The following RUSC2 variants were observed in gnomAD, a reference collection of about 807,000 sequenced individuals.
RUSC2 encodes the protein RUN and SH3 domain containing 2.
Under a neutral mutation model 122.2 loss-of-function variants are expected in RUSC2, and 34 were observed. That is an observed-to-expected ratio of 0.28 (90% CI 0.21 to 0.37). The LOEUF is 0.37. RUSC2 is among the 10% of genes least tolerant of loss of function. The pLI is 1.00. For synonymous variants in RUSC2, 784 were observed against 790.0 expected (o/e 0.99, Z 0.13); for missense variants, 1,747 against 1,952.4 (o/e 0.89, Z 1.98).
At chr9:35,503,152 G>A (rs1406962665) in intron 1 of RUSC2, among the ~76,000 whole-genome samples, 3 of 152,084 alleles carry the variant, frequency 2.0e-5, no homozygotes, top group Non-Finnish European at 4.4e-5. Flanking sequence ...GTGAGCCACC[G>A]CACCCAGCCA....
At chr9:35,540,854 G>T (rs1385558381) in intron 1 of RUSC2, among the ~76,000 whole-genome samples, 2 of 152,162 alleles carry the variant, frequency 1.3e-5, no homozygotes, top group East Asian at 3.8e-4. Context: ...AAATTGGGCA[G>T]ACCTGGGATT....
intron 1 of RUSC2, among the ~76,000 whole-genome samples, chr9:35,508,283 A>C (rs561334037): frequency 6.6e-6 from 1 of 152,302 alleles, no homozygotes; most frequent in African/African-American, 2.4e-5. Flanking sequence ...CTCCTACTTG[A>C]TCACAATTGG....
Position 35,546,738 on chromosome 9 carries a change from A to G in RUSC2, c.217A>G (p.Thr73Ala), listed in dbSNP as rs1535422. Residue 73 changes from threonine to alanine, a missense_variant, in exon 2 of 12, where the codon ACT (threonine) becomes GCT (alanine). Thr to Ala is a moderately conservative substitution (Grantham distance 58). Transcript: ENST00000361226. The surrounding 1 kb of genome is among the most constrained non-coding windows in gnomAD (Gnocchi z 4.3). ...DSLLFSSLHS[T>A]PGGTARSIDS... is the part of the protein sequence containing the mutation. ...CCTGCTATTCAGCAGCCTGCACTCT[A>G]CTCCAGGAGGAACTGCACGGTCTAT... 1,563,313 of 1,574,426 alleles carry G rather than the reference A, an allele frequency of 0.99. 776,738 individuals are homozygous for G. The highest frequency in any genetic ancestry group is 1 in the East Asian group (44,614 of 44,614).
At chr9:35,543,834 A>G (rs1257394458) in intron 1 of RUSC2, among the ~76,000 whole-genome samples, 2 of 152,354 alleles carry the variant, frequency 1.3e-5, no homozygotes, top group South Asian at 4.1e-4. Flanking sequence ...ATGGAATCAT[A>G]CAACATCACA....
At position 35,548,262 on chromosome 9, in the gene RUSC2, C is replaced by G. The variant is rs1399207233; in HGVS notation, c.1741C>G (p.Gln581Glu). 1 of 1,613,940 alleles carries G rather than the reference C, an allele frequency of 6.2e-7. No individual in the cohort carries two copies. Among genetic ancestry groups the G allele is most frequent in the Admixed American group, 1.7e-5 (1 of 60,028 alleles). The change falls in exon 2 of 12, where the codon CAA (glutamine) becomes GAA (glutamate). Residue 581 changes from glutamine to glutamate, a missense_variant. Gln to Glu is a conservative substitution (Grantham distance 29). Transcript: ENST00000361226. This position sits in a 1 kb window ranked among gnomAD's most constrained non-coding sequence, Gnocchi z 4.5. ...GTTCTCACCCATCCAAGAAGCCCAG[C>G]AAGATCGGGGGGCCCCACTGGATGA... is the stretch of plus-strand genomic sequence containing the variant. ...QEFSPIQEAQ[Q>E]DRGAPLDEGT... is the part of the protein sequence containing the mutation.
At chr9:35,524,283 AG>A (rs1252412535) in intron 1 of RUSC2, among the ~76,000 whole-genome samples, 2 of 152,234 alleles carry the variant, frequency 1.3e-5, no homozygotes, top group Non-Finnish European at 2.9e-5. Flanking sequence ...CCTGGGCAAC[AG>A]GGTGTGACTC....
At chr9:35,510,391 A>G (rs1309112078) in intron 1 of RUSC2, among the ~76,000 whole-genome samples, 1 of 152,236 alleles carries the variant, frequency 6.6e-6, no homozygotes, top group Non-Finnish European at 1.5e-5. Flanking sequence ...TTAATTGCCA[A>G]TACAGTGTAA....
intron 1 of RUSC2, among the ~76,000 whole-genome samples, chr9:35,516,936 T>C (rs1219628825): frequency 6.6e-6 from 1 of 152,224 alleles, no homozygotes; most frequent in Non-Finnish European, 1.5e-5. Flanking sequence ...AGGTAAGTAT[T>C]TGAGGCAATG....
chr9:35,556,328 C>T lies in RUSC2; in HGVS notation c.2863C>T (p.Pro955Ser). 1 of 1,614,212 alleles carries T rather than the reference C, an allele frequency of 6.2e-7. No homozygotes were observed. The highest frequency in any genetic ancestry group is 1.3e-5 in the African/African-American group (1 of 75,048). The stretch of plus-strand genomic sequence containing the variant: ...TCCAGGCCAAGCAGTGAAGCCGTTA[C>T]CACTGACCTGCCCTGACTTCCAGGA... The part of the protein sequence containing the change: ...RLNGQAVKPL[P>S]LTCPDFQDPF... The change falls in exon 5 of 12, where the codon CCA becomes TCA. Residue 955 changes from proline (P) to serine (S), a missense_variant. Physicochemically the swap from Pro to Ser is moderately conservative, Grantham distance 74. Transcript: ENST00000361226.
intron 1 of RUSC2, among the ~76,000 whole-genome samples, chr9:35,516,110 T>C (rs1821102112): frequency 6.6e-6 from 1 of 151,902 alleles, no homozygotes; most frequent in African/African-American, 2.4e-5. Flanking sequence ...AGAATTACTC[T>C]TTAGCAATAA....
At position 35,561,112 on chromosome 9, in the gene RUSC2, A is replaced by C. The variant is rs1436557227; in HGVS notation, c.4349+15A>C. 3 of 1,613,662 alleles carry C rather than the reference A, an allele frequency of 1.9e-6. No individual in the cohort carries two copies. The highest frequency in any genetic ancestry group is 2.5e-6 in the Non-Finnish European group (3 of 1,179,800). ...AGTCCTCCGTGGTAAGCCTGGGGAAACGGAAGGGCTGAGGGGGGCGGGGGG... is the reference window on the plus strand; with the variant it reads ...AGTCCTCCGTGGTAAGCCTGGGGAACCGGAAGGGCTGAGGGGGGCGGGGGG... On this transcript the variant is annotated intron_variant, in intron 11 of 11. Transcript: ENST00000361226.
intron 2 of RUSC2, among the ~76,000 whole-genome samples, chr9:35,553,027 T>C (rs1393935181): frequency 9.8e-5 from 15 of 152,292 alleles, no homozygotes; most frequent in Admixed American, 8.5e-4. Context: ...CCTAATCCGA[T>C]AGCCAGAGTC....
rs766709159 is a variant in RUSC2 at position 35,555,376 on chromosome 9, G to A, written c.2331G>A (p.Leu777=). 23 of 1,614,234 alleles carry A rather than the reference G, an allele frequency of 1.4e-5. No individual in the cohort carries two copies. Among genetic ancestry groups the A allele is most frequent in the Non-Finnish European group, 1.9e-5 (22 of 1,180,030 alleles). ...SEPETSRPSP[L]GSYSPIRSVG... ...CAGAGACCTCTCGGCCATCGCCCCTGGGCAGCTACTCCCCCATCCGGAGTG... is the reference window on the plus strand; with the variant it reads ...CAGAGACCTCTCGGCCATCGCCCCTAGGCAGCTACTCCCCCATCCGGAGTG... The change falls in exon 3 of 12, where the codon CTG becomes CTA. Residue 777 remains leucine, a synonymous_variant. Coordinates refer to ENST00000361226, the MANE Select transcript of RUSC2 (RefSeq NM_014806.5). The surrounding 1 kb of genome is among the most constrained non-coding windows in gnomAD (Gnocchi z 4.6).
rs747217604 is a variant in RUSC2, at chr9:35,555,312, G to A, written c.2267G>A (p.Arg756Gln). The change falls in exon 3 of 12, where the codon CGA becomes CAA. Residue 756 changes from arginine to glutamine, a missense_variant. Transcript: ENST00000361226. This position sits in a 1 kb window ranked among gnomAD's most constrained non-coding sequence, Gnocchi z 4.6. ...PSGEPQASTP[R>Q]ATGRGARKAG... Reference sequence around the variant, plus strand: ...GGGGAACCGCAGGCATCCACTCCCCGAGCCACTGGCAGAGGTGCCAGGAAA... The same window carrying A: ...GGGGAACCGCAGGCATCCACTCCCCAAGCCACTGGCAGAGGTGCCAGGAAA... 46 of 1,613,944 alleles carry A rather than the reference G, an allele frequency of 2.9e-5. No individual in the cohort carries two copies. The highest frequency in any genetic ancestry group is 3.6e-5 in the Non-Finnish European group (42 of 1,180,042).
chr9:35,559,906 A>G lies in RUSC2; in HGVS notation c.3389-123A>G, dbSNP rs139018332. The G allele has an allele frequency of 1.4e-4, 111 of 783,348 alleles. No individual in the cohort carries two copies. The highest frequency in any genetic ancestry group is 2.2e-4 in the Non-Finnish European group (106 of 478,040). The allele number at this position is 783,348 out of a possible 1,614,324, so 48.5% of individuals were successfully genotyped here. ...GCAGCGTTTATACTTAGTACATGCA[A>G]GTTGACTAGTGCACAGCCTGCACCG... On this transcript the variant is annotated intron_variant, in intron 9 of 11. Transcript: ENST00000361226.
At chr9:35,490,863 G>A (rs1486318306) in intron 1 of RUSC2, among the ~76,000 whole-genome samples, 1 of 152,178 alleles carries the variant, frequency 6.6e-6, no homozygotes, top group African/African-American at 2.4e-5. Flanking sequence ...CTGCGGACAC[G>A]GGGAACTGTC....
intron 2 of RUSC2, chr9:35,549,301 T>TTC: frequency 1.1e-6 from 1 of 941,978 alleles, no homozygotes; most frequent in Non-Finnish European, 1.3e-6. Context: ...AAGTTTTTTT[T>TTC]TTTTTCTTTT....
chr9:35,535,558 A>ACGG (rs1821508019), intron 1 of RUSC2, among the ~76,000 whole-genome samples: 1 of 122,554 alleles, frequency 8.2e-6, no homozygotes, highest in Non-Finnish European at 1.6e-5. Flanking sequence ...TTTTTTTGAG[A>ACGG]CGGAGTCTCT....
intron 1 of RUSC2, among the ~76,000 whole-genome samples, chr9:35,516,631 T>C (rs1016886598): frequency 6.6e-6 from 1 of 152,196 alleles, no homozygotes; most frequent in African/African-American, 2.4e-5. Context: ...ACCTCAGGAT[T>C]CTTCCTTCAC....
Sources: allele counts gnomAD v4.1 joint callset (sites outside exome capture counted in the v4.1 genomes callset), GRCh38; gene constraint gnomAD v4.1.1; non-coding constraint Gnocchi (gnomAD v3.1); transcripts MANE v1.5; gene names NCBI Gene and HGNC (gene_info 2026-07-23, HGNC 2026-07-21).